Variants in LRRN3 observed in about 807,000 individuals in gnomAD.
LRRN3 encodes leucine-rich repeat neuronal protein 3.
LRRN3 carries 15 observed loss-of-function variants against 40.1 expected under a neutral mutation model. The observed-to-expected ratio is 0.37, with a 90% CI of 0.25 to 0.58. LRRN3 has a LOEUF of 0.58. Ranked by LOEUF, LRRN3 falls within the 20% of genes least tolerant of loss-of-function variation. The probability of loss-of-function intolerance (pLI) is 0.72; values close to 1 mark genes in which losing one functional copy is unlikely to be tolerated. For missense variants in LRRN3, 746 were observed against 837.7 expected (o/e 0.89, Z 1.35); for synonymous variants, 308 against 297.2 (o/e 1.04, Z -0.37).
At chr7:111,114,066 TAGTC>T (rs916200385) in intron 2 of LRRN3, among the ~76,000 whole-genome samples, 1 of 152,048 alleles carries the variant, frequency 6.6e-6, no homozygotes, top group African/African-American at 2.4e-5. Flanking sequence ...TGCATAAATT[TAGTC>T]AGTCACATTC....
Position 111,123,274 on chromosome 7 carries a change from CG to C in LRRN3, c.503del (p.Arg168HisfsTer11). On this transcript the variant is annotated frameshift_variant, in exon 3 of 3. Transcript: ENST00000308478. LOFTEE classifies it high-confidence loss of function. The surrounding 1 kb of genome is among the most constrained non-coding windows in gnomAD (Gnocchi z 6.4). ...CTTTATTGGCCTACATAATCTTCTT[CG>C]ACTTCATCTCAATTCAAATAGATTG... ...GAFIGLHNLL[R>X]LHLNSNRLQM... 1 of 1,613,740 alleles carries C rather than the reference CG, an allele frequency of 6.2e-7. No individual in the cohort carries two copies. The highest frequency in any genetic ancestry group is 8.5e-7 in the Non-Finnish European group (1 of 1,179,910).
Position 111,123,495 on chromosome 7 carries a change from C to A in LRRN3, c.723C>A (p.Ile241=). The A allele has an allele frequency of 6.2e-7, 1 of 1,613,828 alleles. No individual in the cohort carries two copies. The highest frequency in any genetic ancestry group is 8.5e-7 in the Non-Finnish European group (1 of 1,179,920). The change falls in exon 3 of 3, where the codon ATC becomes ATA. Residue 241 remains isoleucine, a synonymous_variant. Coordinates refer to ENST00000308478, the MANE Select transcript of LRRN3 (RefSeq NM_001099658.2). The surrounding 1 kb of genome is among the most constrained non-coding windows in gnomAD (Gnocchi z 6.4). The part of the protein sequence containing the change: ...ALVGLENLES[I]SFYDNRLIKV... ...TTGGACTGGAAAACTTAGAAAGCAT[C>A]TCTTTTTACGATAACAGGCTTATTA... is the stretch of plus-strand genomic sequence containing the variant.
At chr7:111,098,529 T>A (rs997013076) in intron 1 of LRRN3, among the ~76,000 whole-genome samples, 4 of 151,800 alleles carry the variant, frequency 2.6e-5, no homozygotes, top group African/African-American at 4.8e-5. Context: ...AGAGCCCTTA[T>A]ACGTTCAAAC....
At chr7:111,097,675 A>G (rs968331593) in intron 1 of LRRN3, among the ~76,000 whole-genome samples, 1 of 151,924 alleles carries the variant, frequency 6.6e-6, no homozygotes, top group African/African-American at 2.4e-5. Flanking sequence ...CTGTATCGCT[A>G]TATTTATATG....
chr7:111,123,335 C>G lies in LRRN3; in HGVS notation c.563C>G (p.Pro188Arg). Reference sequence around the variant, plus strand: ...AACAGTAAGTGGTTTGATGCTCTTCCAAATCTAGAGATTCTGATGATTGGG... The same window carrying G: ...AACAGTAAGTGGTTTGATGCTCTTCGAAATCTAGAGATTCTGATGATTGGG... Reference protein sequence around the residue: ...MINSKWFDALPNLEILMIGEN... With the variant: ...MINSKWFDALRNLEILMIGEN... The change falls in exon 3 of 3, where the codon CCA becomes CGA. Residue 188 changes from proline to arginine, a missense_variant. Physicochemically the swap from Pro to Arg is moderately radical, Grantham distance 103. Coordinates refer to ENST00000308478, the MANE Select transcript of LRRN3 (RefSeq NM_001099658.2). This position sits in a 1 kb window ranked among gnomAD's most constrained non-coding sequence, Gnocchi z 6.4. 6.2e-7 allele frequency: 1 copy of G among 1,613,732 alleles called. No homozygotes were observed. The highest frequency in any genetic ancestry group is 8.5e-7 in the Non-Finnish European group (1 of 1,179,874).
At chr7:111,094,663 C>G (rs984712153) in intron 1 of LRRN3, among the ~76,000 whole-genome samples, 2 of 152,146 alleles carry the variant, frequency 1.3e-5, no homozygotes, top group African/African-American at 4.8e-5. Flanking sequence ...TGTATAACAA[C>G]TGAACATAGC....
At chr7:111,112,711 T>G (rs1352992843) in intron 2 of LRRN3, among the ~76,000 whole-genome samples, 1 of 152,158 alleles carries the variant, frequency 6.6e-6, no homozygotes, top group Non-Finnish European at 1.5e-5. Context: ...GACACACTTT[T>G]GAAAAGAAAA....
intron 2 of LRRN3, among the ~76,000 whole-genome samples, chr7:111,108,691 TA>T (rs931377344): frequency 1.3e-5 from 2 of 151,858 alleles, no homozygotes; most frequent in Non-Finnish European, 2.9e-5. Flanking sequence ...CTCCTGAATT[TA>T]AAAAAAACAT....
intron 2 of LRRN3, among the ~76,000 whole-genome samples, chr7:111,115,473 G>A (rs1188975687): frequency 6.6e-6 from 1 of 151,828 alleles, no homozygotes; most frequent in East Asian, 1.9e-4. Flanking sequence ...ATACAGAAAT[G>A]ACTACCCCAA....
chr7:111,098,806 C>T (rs1016371274), intron 1 of LRRN3, among the ~76,000 whole-genome samples: 6 of 151,676 alleles, frequency 4.0e-5, no homozygotes, highest in African/African-American at 9.7e-5. Flanking sequence ...TTAGTTAGCT[C>T]GAAAGAACAA....
At chr7:111,100,320 T>C (rs1245531449) in intron 2 of LRRN3, among the ~76,000 whole-genome samples, 1 of 150,890 alleles carries the variant, frequency 6.6e-6, no homozygotes, top group Non-Finnish European at 1.5e-5. Flanking sequence ...TTTGACTTTT[T>C]ATGCAGAAGC....
In LRRN3 at chr7:111,122,510, T is replaced by TAC. The variant is rs1201765004; in HGVS notation, c.-261_-260dup. ...TTACTCAATCTCCTATGACCATCTA[T>TAC]ACATACTCCACCTTCAAAAAGTACA... On this transcript the variant is annotated 5_prime_UTR_variant, in exon 3 of 3. The change creates a premature stop within an existing upstream ORF in the 5' untranslated region. Transcript: ENST00000308478. 4 of 432,442 alleles carry TAC rather than the reference T, an allele frequency of 9.2e-6. No individual in the cohort carries two copies. The East Asian group carries it at 1.5e-4, about 17-fold the overall frequency. 26.8% of individuals were successfully genotyped at this position (432,442 alleles called of 1,614,324 possible).
At position 111,124,297 on chromosome 7, in the gene LRRN3, G is replaced by C. The variant is rs964963680; in HGVS notation, c.1525G>C (p.Val509Leu). 6.2e-7 allele frequency: 1 copy of C among 1,613,914 alleles called. No individual in the cohort carries two copies. The highest frequency in any genetic ancestry group is 8.5e-7 in the Non-Finnish European group (1 of 1,179,952). The change falls in exon 3 of 3, where the codon GTT becomes CTT. Residue 509 changes from valine to leucine, a missense_variant. Physicochemically the swap from Val to Leu is conservative, Grantham distance 32 (BLOSUM62 1). Transcript: ENST00000308478. ...CCTAGTTGGCGCTGACTTGAAGTCT[G>C]TTATGATCAAAGTGGATGGATCTTT... ...TNLVGADLKS[V>L]MIKVDGSFPQ...
At position 111,123,738 on chromosome 7, in the gene LRRN3, G is replaced by A; in HGVS notation, c.966G>A (p.Leu322=). ...TAGAAGCTACTAACAACCCTAGATT[G>A]TCTTACATTCACCCCAATGCATTTT... ...RKIEATNNPR[L]SYIHPNAFFR... is the part of the protein sequence containing the mutation. The change falls in exon 3 of 3, where the codon TTG becomes TTA. Residue 322 remains leucine, a synonymous_variant. Coordinates refer to ENST00000308478, the MANE Select transcript of LRRN3 (RefSeq NM_001099658.2). This position sits in a 1 kb window ranked among gnomAD's most constrained non-coding sequence, Gnocchi z 6.4. The A allele has an allele frequency of 6.2e-7, 1 of 1,613,916 alleles. No homozygotes were observed. The highest frequency in any genetic ancestry group is 1.1e-5 in the South Asian group (1 of 91,072).
At chr7:111,092,431 G>A (rs867343611) in intron 1 of LRRN3, among the ~76,000 whole-genome samples, 10 of 152,212 alleles carry the variant, frequency 6.6e-5, no homozygotes, top group Middle Eastern at 6.8e-3. Context: ...ATATGTCCTT[G>A]TTTCTCTGCC....
At chr7:111,102,972 T>C (rs1050746510) in intron 2 of LRRN3, among the ~76,000 whole-genome samples, 1 of 151,542 alleles carries the variant, frequency 6.6e-6, no homozygotes, top group Admixed American at 6.6e-5. Flanking sequence ...ACTCAAGCCC[T>C]TGAGTTGCTA....
intron 2 of LRRN3, among the ~76,000 whole-genome samples, chr7:111,116,129 T>C (rs1301300102): frequency 6.6e-6 from 1 of 152,236 alleles, no homozygotes; most frequent in Non-Finnish European, 1.5e-5. Flanking sequence ...TTTAAGTTAC[T>C]ACTGGTTTCT....
At chr7:111,101,575 G>A (rs532472222) in intron 2 of LRRN3, among the ~76,000 whole-genome samples, 6 of 151,170 alleles carry the variant, frequency 4.0e-5, no homozygotes, top group South Asian at 2.1e-4. Flanking sequence ...ACAATCGTTC[G>A]AATTAATACA....
rs980170347 is a variant in LRRN3 at position 111,091,279 on chromosome 7, G to A, written c.-666G>A. 1 of 152,194 alleles carries A rather than the reference G, an allele frequency of 6.6e-6. No homozygotes were observed. The highest frequency in any genetic ancestry group is 1.5e-5 in the Non-Finnish European group (1 of 68,050). The allele number at this position is 152,194 out of a possible 1,614,324, so 9.4% of individuals were successfully genotyped here. A position where few individuals can be genotyped will look rare whatever the true frequency, so the allele number is the denominator to read the frequency against. ...AGTTCCAGGAAAAAGAAGGAATCCC[G>A]GCTGCAGCCTCCTGCCTTCCTTTAT... is the stretch of plus-strand genomic sequence containing the variant. On this transcript the variant is annotated 5_prime_UTR_variant, in exon 1 of 3. Transcript: ENST00000308478.
Sources: allele counts gnomAD v4.1 joint callset (sites outside exome capture counted in the v4.1 genomes callset), GRCh38; gene constraint gnomAD v4.1.1; non-coding constraint Gnocchi (gnomAD v3.1); transcripts MANE v1.5; gene names NCBI Gene and HGNC (gene_info 2026-07-23, HGNC 2026-07-21).